The following DLG2 variants were observed in gnomAD, a reference collection of about 807,000 sequenced individuals.
DLG2 encodes disks large homolog 2.
Under a neutral mutation model 132.5 loss-of-function variants are expected in DLG2, and 45 were observed. The observed-to-expected ratio is 0.34, with a 90% confidence interval of 0.27 to 0.44. The LOEUF is 0.44. Ranked by LOEUF, DLG2 falls within the 20% of genes least tolerant of loss-of-function variation. The probability of loss-of-function intolerance (pLI) is 1.00; values close to 1 mark genes in which losing one functional copy is unlikely to be tolerated. For missense variants in DLG2, 1,045 were observed against 1,196.9 expected, an observed-to-expected ratio of 0.87 and a Z score of 1.87; for synonymous variants, 424 against 419.6, an observed-to-expected ratio of 1.01 and a Z score of -0.13.
intron 6 of DLG2, among the ~76,000 whole-genome samples, chr11:84,830,963 C>CCA (rs1490362242): frequency 2.8e-5 from 3 of 108,648 alleles, no homozygotes; most frequent in East Asian, 6.7e-4. Context: ...CCCCCACCCC[C>CCA]CCCAGCTCTG....
intron 11 of DLG2, among the ~76,000 whole-genome samples, chr11:84,035,408 T>C (rs2095836511): frequency 1.3e-5 from 2 of 152,122 alleles, no homozygotes; most frequent in African/African-American, 4.8e-5. Flanking sequence ...ATACATACTA[T>C]GAGGAAAAAT....
intron 7 of DLG2, among the ~76,000 whole-genome samples, chr11:84,298,727 G>T (rs894751938): frequency 2.6e-5 from 4 of 152,304 alleles, no homozygotes; most frequent in African/African-American, 9.6e-5. Context: ...AATGATCCTT[G>T]AATGATGAGA....
At chr11:85,053,799 A>AG (rs2063157877) in intron 6 of DLG2, among the ~76,000 whole-genome samples, 1 of 148,870 alleles carries the variant, frequency 6.7e-6, no homozygotes, top group Admixed American at 6.7e-5. Context: ...TCTGTCTCAA[A>AG]AAAAAAAAAA....
chr11:83,865,990 T>C (rs768627017), intron 16 of DLG2, among the ~76,000 whole-genome samples: 3 of 152,152 alleles, frequency 2.0e-5, no homozygotes, highest in Non-Finnish European at 4.4e-5. Context: ...CTATTGGTCA[T>C]TCAGATAAGA....
At chr11:84,662,770 G>T (rs1472052678) in intron 6 of DLG2, among the ~76,000 whole-genome samples, 1 of 122,594 alleles carries the variant, frequency 8.2e-6, no homozygotes, top group South Asian at 2.9e-4. Context: ...CTGGTCAATA[G>T]AGCAAGACTC....
chr11:84,433,479 A>G (rs1376276081), intron 7 of DLG2, among the ~76,000 whole-genome samples: 1 of 152,228 alleles, frequency 6.6e-6, no homozygotes, highest in Non-Finnish European at 1.5e-5. Context: ...GGTCAAAACA[A>G]AGAAGAAAGG....
intron 10 of DLG2, among the ~76,000 whole-genome samples, chr11:84,095,687 C>T (rs1403354610): frequency 3.3e-5 from 5 of 152,144 alleles, no homozygotes; most frequent in Non-Finnish European, 7.4e-5. Context: ...CAGGATAAGT[C>T]ACTCCTCTGA....
At chr11:84,896,009 G>T (rs1008867579) in intron 6 of DLG2, among the ~76,000 whole-genome samples, 7 of 151,990 alleles carry the variant, frequency 4.6e-5, no homozygotes, top group African/African-American at 1.4e-4. Context: ...CTATCAATAT[G>T]TATCATTTAT....
intron 18 of DLG2, among the ~76,000 whole-genome samples, chr11:83,697,077 A>C (rs2082074835): frequency 6.6e-6 from 1 of 152,216 alleles, no homozygotes. Flanking sequence ...TAAGAATAAC[A>C]AGACATGCTC....
intron 6 of DLG2, among the ~76,000 whole-genome samples, chr11:84,831,222 G>A (rs1470662824): frequency 6.6e-6 from 1 of 151,432 alleles, no homozygotes; most frequent in Non-Finnish European, 1.5e-5. Flanking sequence ...AGACAGTTTA[G>A]GTCATTTAAA....
chr11:84,957,623 T>C (rs1375098142), intron 6 of DLG2, among the ~76,000 whole-genome samples: 1 of 152,186 alleles, frequency 6.6e-6, no homozygotes, highest in Non-Finnish European at 1.5e-5. Flanking sequence ...ACTCTCGAAG[T>C]GTTTTATCCA....
At chr11:85,446,712 C>A (rs954086407) in intron 3 of DLG2, among the ~76,000 whole-genome samples, 4 of 151,940 alleles carry the variant, frequency 2.6e-5, no homozygotes, top group African/African-American at 7.3e-5. Context: ...AAAGCCCATG[C>A]TATCTCCATT....
chr11:85,422,238 C>T (rs772516052), intron 3 of DLG2, among the ~76,000 whole-genome samples: 9 of 152,198 alleles, frequency 5.9e-5, no homozygotes, highest in Non-Finnish European at 1.2e-4. Flanking sequence ...AGGTCTCTAG[C>T]AAGGCCAGGA....
At chr11:85,407,838 T>C (rs1459015052) in intron 3 of DLG2, among the ~76,000 whole-genome samples, 1 of 151,818 alleles carries the variant, frequency 6.6e-6, no homozygotes, top group Non-Finnish European at 1.5e-5. Flanking sequence ...AATTTCCATG[T>C]ACTCCAGTCT....
At chr11:85,217,318 T>TCTCACACACACA (rs370686252) in intron 4 of DLG2, among the ~76,000 whole-genome samples, 20 of 144,034 alleles carry the variant, frequency 1.4e-4, no homozygotes, top group African/African-American at 5.2e-4. Flanking sequence ...TCTCTCTCTC[T>TCTCACACACACA]CACACACACA....
intron 8 of DLG2, among the ~76,000 whole-genome samples, chr11:84,179,543 G>C (rs908152306): frequency 6.6e-6 from 1 of 152,158 alleles, no homozygotes; most frequent in Non-Finnish European, 1.5e-5. Context: ...AGAGGGAACA[G>C]TCACAGGGCC....
intron 3 of DLG2, among the ~76,000 whole-genome samples, chr11:85,570,474 T>C (rs1481573191): frequency 6.6e-6 from 1 of 152,170 alleles, no homozygotes; most frequent in Non-Finnish European, 1.5e-5. Context: ...TTAGACTCCC[T>C]TGTACTAATG....
intron 2 of DLG2, among the ~76,000 whole-genome samples, chr11:85,606,430 C>T (rs1200466513): frequency 6.6e-6 from 1 of 152,126 alleles, no homozygotes; most frequent in African/African-American, 2.4e-5. Context: ...CTGTGTCTAG[C>T]TAAAGGTTTG....
chr11:84,238,828 A>T (rs1161273932), intron 8 of DLG2, among the ~76,000 whole-genome samples: 1 of 152,078 alleles, frequency 6.6e-6, no homozygotes, highest in East Asian at 1.9e-4. Flanking sequence ...CTTCCCTGTC[A>T]TCATCTATGA....
Sources: allele counts gnomAD v4.1 joint callset (sites outside exome capture counted in the v4.1 genomes callset), GRCh38; gene constraint gnomAD v4.1.1; transcripts MANE v1.5; gene names NCBI Gene and HGNC (gene_info 2026-07-23, HGNC 2026-07-21).